COL23A1: variants seen among roughly 807,000 people sequenced by gnomAD.
COL23A1 encodes the protein collagen alpha-1(XXIII) chain.
In COL23A1, 97 loss-of-function variants were observed where a neutral mutation model predicts 99.3. The observed-to-expected ratio is 0.98, with a 90% CI of 0.83 to 1.16. The LOEUF (loss-of-function observed/expected upper bound fraction) is 1.16, where lower values mean the gene tolerates loss of function less well. Ranked by LOEUF, COL23A1 falls within the 50% of genes most tolerant of loss-of-function variation. COL23A1 has a pLI of 0.00. For missense variants in COL23A1, 762 were observed against 757.4 expected (o/e 1.01, Z -0.07); for synonymous variants, 320 against 308.2 (o/e 1.04, Z -0.40).
intron 2 of COL23A1, among the ~76,000 whole-genome samples, chr5:178,424,336 G>A (rs1344654989): frequency 1.3e-5 from 2 of 152,234 alleles, no homozygotes; most frequent in Non-Finnish European, 2.9e-5. Context: ...TCGTGTGAAT[G>A]TGAAATTGGG....
In COL23A1 at chr5:178,340,360, G is replaced by T. The variant is rs1760584071; in HGVS notation, c.362-33441C>A. 1.3e-5 allele frequency among the ~76,000 whole-genome samples: 2 copies of T among 152,202 alleles called. No individual in the cohort carries two copies. The highest frequency in any genetic ancestry group is 4.8e-5 in the African/African-American group (2 of 41,438). On this transcript the variant is annotated intron_variant, in intron 2 of 28. Transcript: ENST00000390654. The surrounding 1 kb of genome is among the most constrained non-coding windows in gnomAD (Gnocchi z 4.7). ...TGCTGGTGGCTCCAGCGCAGGAGGG[G>T]TAGAAGGGGAAATAAAAGCTGGTCT... is the stretch of plus-strand genomic sequence containing the variant.
chr5:178,239,785 C>T (rs573978755), intron 27 of COL23A1, among the ~76,000 whole-genome samples: 275 of 120,822 alleles, frequency 2.3e-3, no homozygotes, highest in South Asian at 4.5e-3. Flanking sequence ...TGGGTCCTGC[C>T]GAGAGCCGTG....
intron 2 of COL23A1, among the ~76,000 whole-genome samples, chr5:178,316,715 A>G (rs990005773): frequency 1.3e-5 from 2 of 152,212 alleles, no homozygotes; most frequent in Non-Finnish European, 2.9e-5. Flanking sequence ...GTGATATTTA[A>G]AATGGTTTTA....
At chr5:178,373,649 C>A (rs1762917685) in intron 2 of COL23A1, among the ~76,000 whole-genome samples, 1 of 152,190 alleles carries the variant, frequency 6.6e-6, no homozygotes, top group Non-Finnish European at 1.5e-5. Context: ...CTCCTGACCT[C>A]AGGTGATCCG....
chr5:178,270,479 G>A lies in COL23A1; in HGVS notation c.442-116C>T, dbSNP rs955257570. On this transcript the variant is annotated intron_variant, in intron 5 of 28. Transcript: ENST00000390654. ...AAAACAAAGCCTGTGGGAGCCCCGC[G>A]TCTGGGTTCAGTCCATGTGGCCTGG... 6.6e-5 allele frequency: 84 copies of A among 1,276,836 alleles called. 2 individuals carry two copies. Among genetic ancestry groups the A allele is most frequent in the South Asian group, 3.7e-4 (29 of 78,682 alleles). The allele number at this position is 1,276,836 out of a possible 1,614,324, so 79.1% of individuals were successfully genotyped here.
At chr5:178,263,373 C>A (rs1465411942) in intron 8 of COL23A1, 49 bp from the exon 9 acceptor site, 1 of 1,221,604 alleles carries the variant, frequency 8.2e-7, no homozygotes, top group East Asian at 2.4e-5. Flanking sequence ...GGGGTCCAGC[C>A]TCCAGAGAGA....
At chr5:178,471,980 A>C (rs1478082163) in intron 2 of COL23A1, among the ~76,000 whole-genome samples, 8 of 152,104 alleles carry the variant, frequency 5.3e-5, no homozygotes, top group African/African-American at 1.9e-4. Context: ...TTGTCATCTT[A>C]ATCCATGGCT....
chr5:178,560,265 C>G (rs556750900), intron 2 of COL23A1, among the ~76,000 whole-genome samples: 1 of 152,194 alleles, frequency 6.6e-6, no homozygotes, highest in South Asian at 2.1e-4. Flanking sequence ...AAGAAGGCTA[C>G]GTCCACTATT....
At chr5:178,476,231 C>T (rs952361849) in intron 2 of COL23A1, among the ~76,000 whole-genome samples, 7 of 152,204 alleles carry the variant, frequency 4.6e-5, no homozygotes, top group African/African-American at 1.7e-4. Flanking sequence ...AGCATGCCTG[C>T]CGTTCTGTAG....
At chr5:178,413,767 A>C (rs1765166222) in intron 2 of COL23A1, among the ~76,000 whole-genome samples, 1 of 152,236 alleles carries the variant, frequency 6.6e-6, no homozygotes, top group South Asian at 2.1e-4. Context: ...AGAGGGTTCC[A>C]GGCAAAGGAA....
At chr5:178,373,381 C>A (rs746170640) in intron 2 of COL23A1, among the ~76,000 whole-genome samples, 3 of 152,198 alleles carry the variant, frequency 2.0e-5, no homozygotes, top group Non-Finnish European at 4.4e-5. Flanking sequence ...CAGGCGCGAA[C>A]CTCCAAGGTG....
Position 178,422,651 on chromosome 5 carries a change from G to A in COL23A1, c.362-115732C>T, listed in dbSNP as rs1234289850. Reference sequence around the variant, plus strand: ...CCCACTCACCCACCCCCACGTGGTCGCCATCCATCAGCCTCCCCATGTTTC... The same window carrying A: ...CCCACTCACCCACCCCCACGTGGTCACCATCCATCAGCCTCCCCATGTTTC... On this transcript the variant is annotated intron_variant, in intron 2 of 28. Transcript: ENST00000390654. Among the ~76,000 whole-genome samples the A allele has an allele frequency of 3.3e-5, 5 of 152,184 alleles. No individual in the cohort carries two copies. The South Asian group carries it at 8.3e-4, about 25-fold the overall frequency.
At chr5:178,391,052 G>A (rs11746454) in intron 2 of COL23A1, among the ~76,000 whole-genome samples, 2 of 152,242 alleles carry the variant, frequency 1.3e-5, no homozygotes, top group African/African-American at 2.4e-5. Flanking sequence ...GCAGGACAGT[G>A]AGCATTACCG....
At chr5:178,267,238 C>T (rs1755952419) in intron 8 of COL23A1, 69 bp downstream of exon 8, 2 of 1,535,432 alleles carry the variant, frequency 1.3e-6, no homozygotes, top group Admixed American at 3.3e-5. Context: ...AGAAGCAGCG[C>T]CAGTTATGCC....
At chr5:178,325,807 C>T (rs998428463) in intron 2 of COL23A1, among the ~76,000 whole-genome samples, 29 of 152,366 alleles carry the variant, frequency 1.9e-4, no homozygotes, top group Admixed American at 6.5e-4. Flanking sequence ...GTGTCCACAG[C>T]GGCCTGTGCC....
rs1412496525 is a variant in COL23A1 at position 178,380,091 on chromosome 5, G to A, written c.362-73172C>T. Among the ~76,000 whole-genome samples, 4 of 152,068 alleles carry A rather than the reference G, an allele frequency of 2.6e-5. No homozygotes were observed. In the East Asian group the frequency reaches 7.7e-4, roughly 29 times the overall value. On this transcript the variant is annotated intron_variant, in intron 2 of 28. Transcript: ENST00000390654. ...TGACCTGTGTTTTGTGAACCGTGAT[G>A]ATCTATACACAAAATTCTACATGTG...
intron 2 of COL23A1, among the ~76,000 whole-genome samples, chr5:178,449,039 C>G (rs1233032655): frequency 1.3e-5 from 2 of 151,962 alleles, no homozygotes; most frequent in African/African-American, 4.8e-5. Flanking sequence ...CTCTGTCACC[C>G]AGGCTGGAGT....
chr5:178,531,053 A>G (rs1381413387), intron 2 of COL23A1, among the ~76,000 whole-genome samples: 1 of 152,092 alleles, frequency 6.6e-6, no homozygotes, highest in Non-Finnish European at 1.5e-5. Flanking sequence ...TTTTTAGTAG[A>G]CACGGGGTTT....
intron 2 of COL23A1, among the ~76,000 whole-genome samples, chr5:178,380,939 G>A (rs544367624): frequency 2.0e-5 from 3 of 152,364 alleles, no homozygotes; most frequent in Admixed American, 1.3e-4. Context: ...CCCTGGAGAT[G>A]TGTGGGCCCA....
Sources: allele counts gnomAD v4.1 joint callset (sites outside exome capture counted in the v4.1 genomes callset), GRCh38; gene constraint gnomAD v4.1.1; non-coding constraint Gnocchi (gnomAD v3.1); transcripts MANE v1.5; gene names NCBI Gene and HGNC (gene_info 2026-07-23, HGNC 2026-07-21).